RPS24: variants seen among roughly 807,000 people sequenced by gnomAD.
RPS24 encodes small ribosomal subunit protein eS24.
For missense variants in RPS24, 100 were observed against 162.5 expected (o/e 0.62, Z 2.09); for synonymous variants, 72 against 55.6 (o/e 1.30, Z -1.31).
intron 5 of RPS24, 179 bp from the exon 6 acceptor site, chr10:78,040,436 C>A: frequency 1.4e-6 from 1 of 721,720 alleles, no homozygotes; most frequent in Non-Finnish European, 2.4e-6. Context: ...TTATTCTTAA[C>A]TTGAATGTTT....
Position 78,040,200 on chromosome 10 carries a change from T to G in RPS24, c.391-4T>G, listed in dbSNP as rs747183790. On this transcript the variant is annotated splice_region_variant and splice_polypyrimidine_tract_variant and intron_variant, in intron 4 of 5. Transcript: ENST00000372360. ...TCTTTTTCCCTTCCCCGCCACTGAT[T>G]CAGTGAGCTGGAGATTGGATCACAG... 3 of 1,613,560 alleles carry G rather than the reference T, an allele frequency of 1.9e-6. No individual in the cohort carries two copies. In the South Asian group the frequency reaches 3.3e-5, roughly 18 times the overall value.
exon 5 of RPS24, chr10:78,055,366 A>ATTT (rs5786317): frequency 3.4e-5 from 6 of 178,690 alleles, no homozygotes; most frequent in Admixed American, 5.9e-5. Context: ...GAAGTTAGAG[A>ATTT]TTTTTTTTTT....
intron 4 of RPS24, chr10:78,038,163 C>T (rs773409590): frequency 2.6e-4 from 79 of 299,112 alleles, no homozygotes; most frequent in Non-Finnish European, 3.9e-4. Context: ...TTTGCACCAA[C>T]CTAATATGTT....
chr10:78,034,220 T>C, intron 1 of RPS24: 1 of 528,290 alleles, frequency 1.9e-6, no homozygotes, highest in Non-Finnish European at 3.4e-6. Context: ...GGGAGGCACA[T>C]CTCGTCTGCA....
At chr10:78,054,840 C>T (rs924451283) in exon 5 of RPS24, 10 of 1,551,570 alleles carry the variant, frequency 6.4e-6, no homozygotes, top group Non-Finnish European at 8.7e-6. Context: ...TGGTTCTCCC[C>T]ACCCTGTGGA....
chr10:78,051,952 C>T (rs908877220), intron 4 of RPS24, among the ~76,000 whole-genome samples: 1 of 152,082 alleles, frequency 6.6e-6, no homozygotes, highest in African/African-American at 2.4e-5. Context: ...ATCCTGGATG[C>T]AAATCTCTTA....
chr10:78,038,217 A>G (rs1057377220), intron 4 of RPS24: 4 of 208,052 alleles, frequency 1.9e-5, no homozygotes, highest in African/African-American at 9.4e-5. Flanking sequence ...GTTTAAAATC[A>G]TGTTTATTTT....
At chr10:78,047,021 C>A (rs749003259) in intron 4 of RPS24, among the ~76,000 whole-genome samples, 3 of 151,618 alleles carry the variant, frequency 2.0e-5, no homozygotes, top group Non-Finnish European at 4.4e-5. Context: ...AGTGCAGTGG[C>A]GTGATCTTGC....
At chr10:78,040,769 G>A, downstream of RPS24, 1 of 1,097,932 alleles carries the variant, frequency 9.1e-7, no homozygotes, top group Non-Finnish European at 1.4e-6. Flanking sequence ...GATTTCAGTT[G>A]CTGTCCAAGT....
At chr10:78,045,112 C>T (rs1229589836), downstream of RPS24, among the ~76,000 whole-genome samples, 2 of 151,948 alleles carry the variant, frequency 1.3e-5, no homozygotes, top group South Asian at 2.1e-4. Flanking sequence ...CTCAGCTTCC[C>T]GAGTAGCTGG....
At chr10:78,049,311 G>A (rs1848076627) in intron 4 of RPS24, 1 of 152,236 alleles carries the variant, frequency 6.6e-6, no homozygotes, top group Admixed American at 6.6e-5. Context: ...GCGTGTCACT[G>A]GTACAGAAAT....
chr10:78,052,677 G>A (rs1340632029), intron 4 of RPS24, among the ~76,000 whole-genome samples: 2 of 152,176 alleles, frequency 1.3e-5, no homozygotes, highest in Non-Finnish European at 2.9e-5. Context: ...TCAGACAAGA[G>A]CATCCTGATG....
At position 78,055,112 on chromosome 10, in the gene RPS24, C is replaced by T. The variant is rs1772656619; in HGVS notation, c.*102C>T. The T allele has an allele frequency of 3.5e-6, 5 of 1,432,480 alleles. No homozygotes were observed. In the South Asian group the frequency reaches 7.9e-5, roughly 23 times the overall value. 88.7% of individuals were successfully genotyped at this position (1,432,480 alleles called of 1,614,324 possible). A position where few individuals can be genotyped will look rare whatever the true frequency, so the allele number is the denominator to read the frequency against. ...CAGGGCACTGTGGAAATCGGAGTCA[C>T]ATGAGCTGGCACCTCTGTTCAGAAC... On this transcript the variant is annotated 3_prime_UTR_variant, in exon 5 of 5. Transcript: ENST00000440692.
In RPS24 at chr10:78,037,769, C is replaced by T. The variant is rs115598315; in HGVS notation, c.390+465C>T. ...AGGATTGCTTTCCTCTCCAGTTGGCCAAGACAAGTGATTTTAGCGATAAGC... is the reference window on the plus strand; with the variant it reads ...AGGATTGCTTTCCTCTCCAGTTGGCTAAGACAAGTGATTTTAGCGATAAGC... On this transcript the variant is annotated intron_variant, in intron 4 of 5. Coordinates refer to ENST00000372360, the MANE Select transcript of RPS24 (RefSeq NM_033022.4). The T allele has an allele frequency of 1.9e-3, 721 of 374,052 alleles. 3 individuals are homozygous for T. Among genetic ancestry groups the T allele is most frequent in the African/African-American group, 0.014 (679 of 46,884 alleles). 23.2% of individuals were successfully genotyped at this position (374,052 alleles called of 1,614,324 possible).
chr10:78,040,029 T>C, intron 4 of RPS24, 175 bp from the exon 5 acceptor site: 1 of 699,894 alleles, frequency 1.4e-6, no homozygotes, highest in Admixed American at 2.0e-5. Flanking sequence ...AGGAATAAAA[T>C]CAGTGAGTCT....
chr10:78,041,943 T>C (rs769113023), downstream of RPS24, among the ~76,000 whole-genome samples: 1 of 152,188 alleles, frequency 6.6e-6, no homozygotes, highest in African/African-American at 2.4e-5. Context: ...GCAGAAGTTG[T>C]AGTCTTTCAG....
chr10:78,054,710 A>G, exon 5 of RPS24: 1 of 1,551,678 alleles, frequency 6.4e-7, no homozygotes, highest in Non-Finnish European at 8.7e-7. Flanking sequence ...GCAAGTATTT[A>G]CAGGTGGCCG....
At chr10:78,055,075 C>G in exon 5 of RPS24, 5 of 1,451,184 alleles carry the variant, frequency 3.4e-6, no homozygotes, top group African/African-American at 2.9e-5. Context: ...TTCTTCTCCA[C>G]TCAGCAGCCA....
intron 4 of RPS24, chr10:78,039,873 G>C: frequency 2.5e-6 from 1 of 407,058 alleles, no homozygotes; most frequent in South Asian, 2.2e-5. Flanking sequence ...GAGCAGAGGG[G>C]CAGAGGCTCA....
Sources: gnomAD v4.1 joint callset for allele counts (sites outside exome capture counted in the v4.1 genomes callset) on GRCh38, gnomAD v4.1.1 for gene constraint, MANE v1.5 for transcripts, NCBI Gene and HGNC (gene_info 2026-07-23, HGNC 2026-07-21) for gene names.